The following ZNF667 variants were observed in gnomAD, a reference collection of about 807,000 sequenced individuals.
ZNF667 encodes the protein myocardial ischemic preconditioning upregulated 1 ortholog.
A neutral mutation model predicts 31.8 loss-of-function variants in ZNF667; 13 were observed. The ratio of observed to expected loss-of-function variants is 0.41; its 90% confidence interval spans 0.27 to 0.65. The LOEUF (loss-of-function observed/expected upper bound fraction) is 0.65. Among genes scored for constraint, ZNF667 ranks in the 30% least tolerant of loss-of-function variants. The pLI is 0.32. For missense variants in ZNF667, 642 were observed against 725.6 expected, an observed-to-expected ratio of 0.88 and a Z score of 1.32; for synonymous variants, 228 against 247.1, an observed-to-expected ratio of 0.92 and a Z score of 0.73.
chr19:56,451,238 T>C (rs986319229), intron 6 of ZNF667, among the ~76,000 whole-genome samples: 3 of 151,958 alleles, frequency 2.0e-5, no homozygotes, highest in African/African-American at 4.8e-5. Context: ...AAGAAAGTCA[T>C]ATAATGCTAA....
intron 5 of ZNF667, among the ~76,000 whole-genome samples, chr19:56,460,371 G>A (rs1340766325): frequency 6.6e-6 from 1 of 152,150 alleles, no homozygotes; most frequent in African/African-American, 2.4e-5. Context: ...GATAGAAAGT[G>A]GACTAGTAGT....
Position 56,440,493 on chromosome 19 carries a change from A to T in ZNF667, c.*669T>A. The T allele has an allele frequency of 1.4e-6, 1 of 738,160 alleles. No homozygotes were observed. 45.7% of individuals were successfully genotyped at this position (738,160 alleles called of 1,614,324 possible). A position where few individuals can be genotyped will look rare whatever the true frequency, so the allele number is the denominator to read the frequency against. ...TGCCGAGAAGTTCCTTATATTTGAT[A>T]ATTCTAGATCTGAGAAACAGACTCA... On this transcript the variant is annotated 3_prime_UTR_variant, in exon 7 of 7. Transcript: ENST00000504904.
intron 1 of ZNF667, chr19:56,475,807 C>T (rs1031975742): frequency 1.3e-5 from 2 of 152,188 alleles, no homozygotes; most frequent in Non-Finnish European, 2.9e-5. Context: ...CAGGAAGATC[C>T]TTTGTTCCTG....
intron 5 of ZNF667, among the ~76,000 whole-genome samples, chr19:56,459,743 C>T (rs1421387377): frequency 6.6e-6 from 1 of 152,168 alleles, no homozygotes; most frequent in Non-Finnish European, 1.5e-5. Context: ...CCTGTAATCC[C>T]AGCACTTTGG....
chr19:56,466,539 G>A (rs900472889), intron 3 of ZNF667, among the ~76,000 whole-genome samples: 9 of 152,064 alleles, frequency 5.9e-5, no homozygotes, highest in Admixed American at 5.9e-4. Context: ...TTGTTAGAGG[G>A]ACCCCTGGTT....
At chr19:56,469,971 G>A (rs1219510956) in intron 3 of ZNF667, 10 of 483,592 alleles carry the variant, frequency 2.1e-5, no homozygotes, top group Non-Finnish European at 3.7e-5. Context: ...TCTTCACAGC[G>A]GAAACACATT....
chr19:56,446,524 C>T (rs761699284), intron 6 of ZNF667, among the ~76,000 whole-genome samples: 6 of 152,148 alleles, frequency 3.9e-5, no homozygotes, highest in Non-Finnish European at 8.8e-5. Flanking sequence ...TGCTCCAGCC[C>T]CTGCTGGGTA....
In ZNF667 at chr19:56,441,262, G is replaced by C; in HGVS notation, c.1733C>G (p.Ser578Cys). ...ACTACATTCATAGGGTTTCTCTGAAGAATGACTTCTCTGATGTCGAATAAG... is the reference window on the plus strand; with the variant it reads ...ACTACATTCATAGGGTTTCTCTGAACAATGACTTCTCTGATGTCGAATAAG... ...SDLIRHQRSH[S>C]SEKPYECSKC... The change falls in exon 7 of 7, where the codon TCT becomes TGT. Residue 578 changes from serine (S) to cysteine (C), a missense_variant. Transcript: ENST00000504904. The surrounding 1 kb of genome is among the most constrained non-coding windows in gnomAD (Gnocchi z 4.2). The C allele has an allele frequency of 6.2e-7, 1 of 1,614,104 alleles. No homozygotes were observed.
In ZNF667 at chr19:56,446,155, C is replaced by G. The variant is rs75157078; in HGVS notation, c.254-3414G>C. Among the ~76,000 whole-genome samples, 51 of 152,346 alleles carry G rather than the reference C, an allele frequency of 3.3e-4. No individual in the cohort carries two copies. In the East Asian group the frequency reaches 9.4e-3, roughly 28 times the overall value. On this transcript the variant is annotated intron_variant, in intron 6 of 6. Coordinates refer to ENST00000504904, the MANE Select transcript of ZNF667 (RefSeq NM_001321356.2). ...AGGTGTGCTTTAAAGGCAGACATTA[C>G]TGAATTAACTGAGGTGTTTTTCATT...
chr19:56,471,677 A>G (rs2147840217), intron 3 of ZNF667, 22 bp downstream of exon 3: 1 of 152,288 alleles, frequency 6.6e-6, no homozygotes, highest in South Asian at 2.1e-4. Context: ...TTAATGTAAA[A>G]ATCATGTTTT....
intron 1 of ZNF667, chr19:56,477,045 G>A (rs978329251): frequency 6.6e-6 from 1 of 152,282 alleles, no homozygotes; most frequent in Admixed American, 6.5e-5. Flanking sequence ...CTTCACACTT[G>A]GGCGCACAAG....
intron 4 of ZNF667, among the ~76,000 whole-genome samples, chr19:56,462,076 G>A (rs1172064021): frequency 6.6e-6 from 1 of 152,228 alleles, no homozygotes. Context: ...ATTTCTCCTG[G>A]CACTGGCAAA....
chr19:56,463,081 G>C (rs2043083452), intron 3 of ZNF667, among the ~76,000 whole-genome samples: 1 of 152,106 alleles, frequency 6.6e-6, no homozygotes, highest in African/African-American at 2.4e-5. Context: ...GAGTGCAGCG[G>C]GGAGGGTGGG....
intron 6 of ZNF667, among the ~76,000 whole-genome samples, chr19:56,457,864 G>T (rs989180657): frequency 6.6e-6 from 1 of 152,138 alleles, no homozygotes; most frequent in African/African-American, 2.4e-5. Context: ...TTTAAGTCAC[G>T]AAGGTGGAGC....
chr19:56,470,042 A>G (rs2043255648), intron 3 of ZNF667: 1 of 457,474 alleles, frequency 2.2e-6, no homozygotes, highest in Admixed American at 2.3e-5. Context: ...CAATGCATTG[A>G]CCAATGTTCT....
At chr19:56,465,821 C>A (rs1288139601) in intron 3 of ZNF667, among the ~76,000 whole-genome samples, 2 of 152,180 alleles carry the variant, frequency 1.3e-5, no homozygotes, top group Non-Finnish European at 2.9e-5. Flanking sequence ...CAGCCCCAGG[C>A]TGGCGTCTAA....
In ZNF667 at chr19:56,440,648, T is replaced by TG; in HGVS notation, c.*513_*514insC. 1 of 961,196 alleles carries TG rather than the reference T, an allele frequency of 1.0e-6. No homozygotes were observed. Among genetic ancestry groups the TG allele is most frequent in the Non-Finnish European group, 1.2e-6 (1 of 808,066 alleles). The allele number at this position is 961,196 out of a possible 1,614,324, so 59.5% of individuals were successfully genotyped here. ...GAAGTAAAATATCGGTAATTTTTTT[T>TG]TTTTTTGACACAGAGTCTTGCTCTG... On this transcript the variant is annotated 3_prime_UTR_variant, in exon 7 of 7. Coordinates refer to ENST00000504904, the MANE Select transcript of ZNF667 (RefSeq NM_001321356.2).
chr19:56,470,618 G>A (rs932716790), intron 3 of ZNF667, among the ~76,000 whole-genome samples: 2 of 152,136 alleles, frequency 1.3e-5, no homozygotes, highest in African/African-American at 2.4e-5. Context: ...GGCAGGGCAC[G>A]GGAGGCATCG....
intron 6 of ZNF667, among the ~76,000 whole-genome samples, chr19:56,446,375 CT>C (rs2042709869): frequency 6.6e-6 from 1 of 152,126 alleles, no homozygotes; most frequent in African/African-American, 2.4e-5. Context: ...GTCTTCTTTC[CT>C]TTTTTCTTTT....
Sources: allele counts gnomAD v4.1 joint callset (sites outside exome capture counted in the v4.1 genomes callset), GRCh38; gene constraint gnomAD v4.1.1; non-coding constraint Gnocchi (gnomAD v3.1); transcripts MANE v1.5; gene names NCBI Gene and HGNC (gene_info 2026-07-23, HGNC 2026-07-21).